SEC14L1: variants seen among roughly 807,000 people sequenced by gnomAD.
SEC14L1 encodes SEC14 like lipid binding 1.
A neutral mutation model predicts 85.3 loss-of-function variants in SEC14L1; 48 were observed. The observed-to-expected ratio is 0.56, with a 90% CI of 0.45 to 0.72. The LOEUF (loss-of-function observed/expected upper bound fraction) is 0.72. Among genes scored for constraint, SEC14L1 ranks in the 30% least tolerant of loss-of-function variants. The pLI is 0.00. For synonymous variants in SEC14L1, 391 were observed against 355.5 expected (o/e 1.10, Z -1.12); for missense variants, 682 against 921.4 (o/e 0.74, Z 3.36).
chr17:77,110,195 C>T (rs1008067322), intron 3 of SEC14L1, among the ~76,000 whole-genome samples: 4 of 152,198 alleles, frequency 2.6e-5, no homozygotes, highest in Non-Finnish European at 4.4e-5. Flanking sequence ...GACTTTTCTG[C>T]TCGAGTAATT....
At chr17:77,140,789 C>T (rs901633658), upstream of SEC14L1, 1 of 152,146 alleles carries the variant, frequency 6.6e-6, no homozygotes, top group Non-Finnish European at 1.5e-5. Flanking sequence ...GGTCGGAGCT[C>T]GCGCCTGCGC....
chr17:77,163,705 C>G (rs1423246787), intron 3 of SEC14L1, among the ~76,000 whole-genome samples: 2 of 152,202 alleles, frequency 1.3e-5, no homozygotes, highest in Non-Finnish European at 2.9e-5. Context: ...TCTTTAAGAT[C>G]AAAGGAGCGG....
intron 3 of SEC14L1, among the ~76,000 whole-genome samples, chr17:77,132,963 A>G (rs1461875640): frequency 1.3e-5 from 2 of 151,852 alleles, no homozygotes; most frequent in Non-Finnish European, 2.9e-5. Context: ...CCTGAGCCCA[A>G]GTGATTCTCC....
At chr17:77,153,846 A>G (rs1169552266) in intron 3 of SEC14L1, among the ~76,000 whole-genome samples, 1 of 152,206 alleles carries the variant, frequency 6.6e-6, no homozygotes, top group Admixed American at 6.5e-5. Flanking sequence ...AGATGTTATA[A>G]TTGATCCATC....
chr17:77,187,542 T>C (rs953565374), intron 3 of SEC14L1, among the ~76,000 whole-genome samples: 2 of 152,036 alleles, frequency 1.3e-5, no homozygotes, highest in African/African-American at 4.8e-5. Flanking sequence ...CGTGCCCAGC[T>C]AATTTTTGTA....
At chr17:77,171,191 G>T (rs78587997) in intron 3 of SEC14L1, among the ~76,000 whole-genome samples, 1 of 152,056 alleles carries the variant, frequency 6.6e-6, no homozygotes, top group Non-Finnish European at 1.5e-5. Flanking sequence ...CATAAACTCC[G>T]AGAGCGGCAT....
rs77599592 is a variant in SEC14L1, at chr17:77,158,714, T to C, written c.63+15055T>C. On this transcript the variant is annotated intron_variant, in intron 3 of 16. Transcript: ENST00000436233. ...TTCTGCTCATCCATTGACTTACCGA[T>C]GGACGTTGGGTTGTTTCTACCTTTT... Among the ~76,000 whole-genome samples the C allele has an allele frequency of 9.7e-3, 1,467 of 152,004 alleles. 26 individuals are homozygous for C. Among genetic ancestry groups the C allele is most frequent in the African/African-American group, 0.033 (1,370 of 41,484 alleles).
chr17:77,213,934 C>G lies in SEC14L1; in HGVS notation c.2059C>G (p.Leu687Val). ...CCATTACAGAGGTTCCATGACGAGC[C>G]TGGAGTCCAGCCACAGCGGCTTCTC... ...SEDFRGSMTSLESSHSGFSQL... is the reference protein window; with the variant it reads ...SEDFRGSMTSVESSHSGFSQL... The change falls in exon 17 of 17, where the codon CTG becomes GTG. Residue 687 changes from leucine (L) to valine (V), a missense_variant. Leu to Val is a conservative substitution (Grantham distance 32). Transcript: ENST00000436233. The surrounding 1 kb of genome is among the most constrained non-coding windows in gnomAD (Gnocchi z 7.1). 1 of 1,613,496 alleles carries G rather than the reference C, an allele frequency of 6.2e-7. No individual in the cohort carries two copies. The highest frequency in any genetic ancestry group is 8.5e-7 in the Non-Finnish European group (1 of 1,179,842).
In SEC14L1 at chr17:77,216,348, G is replaced by C. The variant is rs1196252996; in HGVS notation, c.*2325G>C. On this transcript the variant is annotated 3_prime_UTR_variant, in exon 17 of 17. Coordinates refer to ENST00000436233, the MANE Select transcript of SEC14L1 (RefSeq NM_001143998.2). ...GTAGGGCTAGTAGGTAGGGTTAGTA[G>C]GTAGGGCTAGTAGGTAGGGCTAGTA... 109 of 1,300,592 alleles carry C rather than the reference G, an allele frequency of 8.4e-5. 2 individuals carry two copies. The highest frequency in any genetic ancestry group is 1.0e-4 in the Non-Finnish European group (103 of 1,009,664). The allele number at this position is 1,300,592 out of a possible 1,614,324, so 80.6% of individuals were successfully genotyped here. A position where few individuals can be genotyped will look rare whatever the true frequency, so the allele number is the denominator to read the frequency against.
At chr17:77,103,022 G>A (rs1971814446) in intron 3 of SEC14L1, among the ~76,000 whole-genome samples, 1 of 152,028 alleles carries the variant, frequency 6.6e-6, no homozygotes, top group South Asian at 2.1e-4. Flanking sequence ...TGCCCAGACT[G>A]GACTCGAACT....
intron 2 of SEC14L1, among the ~76,000 whole-genome samples, chr17:77,091,639 C>T (rs12600361): frequency 0.064 from 9,764 of 152,040 alleles, 474 homozygotes; most frequent in East Asian, 0.27. Flanking sequence ...CTGTGTTGGT[C>T]TACAGTGCAT....
chr17:77,197,391 G>A (rs1975869589), intron 8 of SEC14L1, among the ~76,000 whole-genome samples: 1 of 152,174 alleles, frequency 6.6e-6, no homozygotes, highest in Non-Finnish European at 1.5e-5. Flanking sequence ...GAAGATTCCT[G>A]CGTGTTAGTC....
Position 77,216,431 on chromosome 17 carries a change from G to A in SEC14L1, c.*2408G>A. On this transcript the variant is annotated 3_prime_UTR_variant, in exon 17 of 17. Coordinates refer to ENST00000436233, the MANE Select transcript of SEC14L1 (RefSeq NM_001143998.2). ...GTTCGTAGGTAGGGTTCGTAGGTAGGGTTCGTAGGTAGGGTTAGTAGCGCG... is the reference window on the plus strand; with the variant it reads ...GTTCGTAGGTAGGGTTCGTAGGTAGAGTTCGTAGGTAGGGTTAGTAGCGCG... 1.3e-6 allele frequency: 2 copies of A among 1,572,560 alleles called. No individual in the cohort carries two copies. Among genetic ancestry groups the A allele is most frequent in the Non-Finnish European group, 1.7e-6 (2 of 1,156,716 alleles).
intron 3 of SEC14L1, among the ~76,000 whole-genome samples, chr17:77,144,071 T>C (rs1973169752): frequency 6.6e-6 from 1 of 152,220 alleles, no homozygotes; most frequent in Non-Finnish European, 1.5e-5. Flanking sequence ...AACTGAGCAC[T>C]GTGCGATGGA....
intron 3 of SEC14L1, among the ~76,000 whole-genome samples, chr17:77,116,733 C>T (rs1035729641): frequency 2.0e-5 from 3 of 152,192 alleles, no homozygotes; most frequent in African/African-American, 7.2e-5. Flanking sequence ...ACATTTTTAT[C>T]AGTAACAGGA....
In SEC14L1 at chr17:77,197,840, A is replaced by T. The variant is rs1453114799; in HGVS notation, c.819+1529A>T. Among the ~76,000 whole-genome samples the T allele has an allele frequency of 4.6e-5, 7 of 152,230 alleles. 1 individual carries two copies. The highest frequency in any genetic ancestry group is 1.5e-5 in the Non-Finnish European group (1 of 68,048). ...AGGCTGGTCTCAAACTCCTGACCTC[A>T]AGTGATCCGCCTGCCTTAGCCTCCC... On this transcript the variant is annotated intron_variant, in intron 8 of 16. Transcript: ENST00000436233.
At chr17:77,110,234 A>G (rs898361371) in intron 3 of SEC14L1, among the ~76,000 whole-genome samples, 6 of 152,190 alleles carry the variant, frequency 3.9e-5, no homozygotes, top group Non-Finnish European at 7.3e-5. Flanking sequence ...CCGGAAAGGA[A>G]ACGCATTCTT....
chr17:77,133,022 C>T (rs1371944727), intron 3 of SEC14L1, among the ~76,000 whole-genome samples: 1 of 152,076 alleles, frequency 6.6e-6, no homozygotes, highest in Non-Finnish European at 1.5e-5. Flanking sequence ...GTGAGTGCCA[C>T]TACCCCCAGC....
upstream of SEC14L1, among the ~76,000 whole-genome samples, chr17:77,139,188 C>T (rs535020801): frequency 1.5e-5 from 2 of 130,812 alleles, no homozygotes; most frequent in African/African-American, 5.9e-5. Context: ...TTTTTTGACA[C>T]GGAGTCTTGC....
Sources: allele counts gnomAD v4.1 joint callset (sites outside exome capture counted in the v4.1 genomes callset), GRCh38; gene constraint gnomAD v4.1.1; non-coding constraint Gnocchi (gnomAD v3.1); transcripts MANE v1.5; gene names NCBI Gene and HGNC (gene_info 2026-07-23, HGNC 2026-07-21).